Variants in LRRC4C observed in about 807,000 individuals in gnomAD.
The protein encoded by LRRC4C is leucine rich repeat containing 4C.
A neutral mutation model predicts 33.6 loss-of-function variants in LRRC4C; 5 were observed. The ratio of observed to expected loss-of-function variants is 0.15; its 90% CI spans 0.08 to 0.31. LRRC4C has a LOEUF of 0.31. Among genes scored for constraint, LRRC4C ranks in the 10% least tolerant of loss-of-function variants. LRRC4C has a pLI of 1.00. For synonymous variants in LRRC4C, 329 were observed against 302.0 expected (o/e 1.09, Z -0.93); for missense variants, 560 against 796.7 (o/e 0.70, Z 3.58).
At chr11:41,108,404 C>T (rs1328359670) in intron 1 of LRRC4C, among the ~76,000 whole-genome samples, 1 of 152,012 alleles carries the variant, frequency 6.6e-6, no homozygotes, top group African/African-American at 2.4e-5. Flanking sequence ...ACTAAGCTTC[C>T]CTACTTGATT....
chr11:41,009,667 A>G (rs1447247671), intron 1 of LRRC4C, among the ~76,000 whole-genome samples: 1 of 152,122 alleles, frequency 6.6e-6, no homozygotes, highest in African/African-American at 2.4e-5. Flanking sequence ...TCACTTACAT[A>G]TATTTTGCAT....
Position 40,534,470 on chromosome 11 carries a change from A to C in LRRC4C, c.-270+113672T>G, listed in dbSNP as rs116361682. ...TTCTGGAGTCAAATTGCAGAGTCAG[A>C]AGCCTTGTTTGCCTGCTTTCTAGCT... On this transcript the variant is annotated intron_variant, in intron 3 of 6. Coordinates refer to ENST00000528697, the MANE Select transcript of LRRC4C (RefSeq NM_001258419.2). Among the ~76,000 whole-genome samples, 1,339 of 152,264 alleles carry C rather than the reference A, an allele frequency of 8.8e-3. 11 individuals carry two copies. The highest frequency in any genetic ancestry group is 0.031 in the African/African-American group (1,270 of 41,568).
At chr11:40,385,361 A>G (rs1215070034) in intron 3 of LRRC4C, among the ~76,000 whole-genome samples, 1 of 152,240 alleles carries the variant, frequency 6.6e-6, no homozygotes, top group Non-Finnish European at 1.5e-5. Flanking sequence ...GAGAACTCTC[A>G]TTCAAGTTTT....
intron 5 of LRRC4C, among the ~76,000 whole-genome samples, chr11:40,185,310 G>GA (rs1156590707): frequency 6.6e-6 from 1 of 152,086 alleles, no homozygotes; most frequent in African/African-American, 2.4e-5. Context: ...TTACAGGGCT[G>GA]AAAACCAGGA....
chr11:40,224,947 C>T (rs2135955564), intron 5 of LRRC4C, among the ~76,000 whole-genome samples: 1 of 152,302 alleles, frequency 6.6e-6, no homozygotes, highest in East Asian at 1.9e-4. Context: ...AGAAGTCAAT[C>T]CCCTCTTCTT....
intron 3 of LRRC4C, among the ~76,000 whole-genome samples, chr11:40,628,967 G>A (rs558747047): frequency 6.6e-6 from 1 of 152,056 alleles, no homozygotes; most frequent in African/African-American, 2.4e-5. Flanking sequence ...ATTCCATTTT[G>A]ATTTTACTTG....
At chr11:40,665,011 G>A (rs1478721961) in intron 2 of LRRC4C, among the ~76,000 whole-genome samples, 3 of 147,642 alleles carry the variant, frequency 2.0e-5, no homozygotes, top group African/African-American at 7.5e-5. Flanking sequence ...ACCTATGAGT[G>A]AGAAAATGCG....
chr11:40,408,800 G>C (rs538591933), intron 3 of LRRC4C, among the ~76,000 whole-genome samples: 7 of 151,976 alleles, frequency 4.6e-5, no homozygotes, highest in African/African-American at 1.7e-4. Context: ...TGTGTTCATG[G>C]ATTGAAAGAA....
rs542794819 is a variant in LRRC4C, at chr11:41,175,802, A to G, written c.-495-242079T>C. On this transcript the variant is annotated intron_variant, in intron 1 of 6. Coordinates refer to ENST00000528697, the MANE Select transcript of LRRC4C (RefSeq NM_001258419.2). Reference sequence around the variant, plus strand: ...TCTTCCTGACACTCTTTAACTTTTTACCCAAAGTCCTCAAGATACTATTCT... The same window carrying G: ...TCTTCCTGACACTCTTTAACTTTTTGCCCAAAGTCCTCAAGATACTATTCT... Among the ~76,000 whole-genome samples, 4 of 152,200 alleles carry G rather than the reference A, an allele frequency of 2.6e-5. No individual in the cohort carries two copies. In the East Asian group the frequency reaches 5.8e-4, roughly 22 times the overall value.
intron 1 of LRRC4C, among the ~76,000 whole-genome samples, chr11:41,452,574 A>G (rs914487850): frequency 1.3e-5 from 2 of 152,204 alleles, no homozygotes; most frequent in African/African-American, 4.8e-5. Context: ...TTTACAGCCA[A>G]GCAATGAGTT....
At chr11:40,913,593 C>A (rs545745654) in intron 2 of LRRC4C, among the ~76,000 whole-genome samples, 1 of 151,998 alleles carries the variant, frequency 6.6e-6, no homozygotes, top group Admixed American at 6.6e-5. Context: ...CAAGAGAAAG[C>A]AGGAAAGATC....
intron 1 of LRRC4C, among the ~76,000 whole-genome samples, chr11:41,060,144 C>T (rs929141578): frequency 3.9e-5 from 6 of 152,162 alleles, no homozygotes; most frequent in African/African-American, 7.2e-5. Context: ...GCTAGCATGT[C>T]GCTCTGTGTC....
rs942909065 is a variant in LRRC4C at position 40,298,495 on chromosome 11, G to A, written c.-176+21133C>T. 9.3e-5 allele frequency among the ~76,000 whole-genome samples: 14 copies of A among 150,512 alleles called. No homozygotes were observed. In the Admixed American group the frequency reaches 9.4e-4, roughly 10 times the overall value. ...GGACCAAGCATATTTCTTGGCAATG[G>A]CAGAAATCCAATAGAGCAAGCAGAA... On this transcript the variant is annotated intron_variant, in intron 4 of 6. Transcript: ENST00000528697.
At chr11:41,309,726 T>C (rs1317920484) in intron 1 of LRRC4C, among the ~76,000 whole-genome samples, 4 of 152,186 alleles carry the variant, frequency 2.6e-5, no homozygotes, top group Non-Finnish European at 5.9e-5. Flanking sequence ...CCTGCACACT[T>C]CAAAGCCTCA....
rs568489818 is a variant in LRRC4C at position 40,320,129 on chromosome 11, C to T, written c.-269-408G>A. On this transcript the variant is annotated intron_variant, in intron 3 of 6. Transcript: ENST00000528697. ...AAATTTAAAAGACTTCCTGCTCTTA[C>T]TTCTTCCCTCTGGCCATGAGCTAAA... 3.3e-3 allele frequency among the ~76,000 whole-genome samples: 502 copies of T among 152,222 alleles called. 2 individuals carry two copies. Among genetic ancestry groups the T allele is most frequent in the Middle Eastern group, 0.014 (4 of 294 alleles).
chr11:40,473,754 G>C (rs931268638), intron 3 of LRRC4C, among the ~76,000 whole-genome samples: 1 of 152,142 alleles, frequency 6.6e-6, no homozygotes, highest in East Asian at 1.9e-4. Flanking sequence ...CTTCAGCAAA[G>C]TCTCAGGATG....
chr11:40,720,933 T>C (rs367670401), intron 2 of LRRC4C, among the ~76,000 whole-genome samples: 13 of 152,194 alleles, frequency 8.5e-5, no homozygotes, highest in African/African-American at 1.9e-4. Context: ...TAGCTCCTGC[T>C]GTCTGAAAGG....
chr11:40,935,522 A>G (rs1196049004), intron 1 of LRRC4C, among the ~76,000 whole-genome samples: 1 of 152,118 alleles, frequency 6.6e-6, no homozygotes, highest in African/African-American at 2.4e-5. Context: ...TAGATACACA[A>G]ATACTTAGCA....
chr11:40,959,586 G>T (rs1565243559), intron 1 of LRRC4C, among the ~76,000 whole-genome samples: 1 of 151,654 alleles, frequency 6.6e-6, no homozygotes, highest in African/African-American at 2.4e-5. Context: ...TATACTAAAT[G>T]ACTCCTGCTA....
Sources: allele counts gnomAD v4.1 joint callset (sites outside exome capture counted in the v4.1 genomes callset), GRCh38; gene constraint gnomAD v4.1.1; transcripts MANE v1.5; gene names NCBI Gene and HGNC (gene_info 2026-07-23, HGNC 2026-07-21).